NDST4: variants seen among roughly 807,000 people sequenced by gnomAD.
NDST4 encodes N-deacetylase and N-sulfotransferase 4.
Under a neutral mutation model 100.8 loss-of-function variants are expected in NDST4, and 63 were observed. That is an observed-to-expected ratio of 0.62 (90% CI 0.51 to 0.77). The LOEUF (loss-of-function observed/expected upper bound fraction) is 0.77, where lower values mean the gene tolerates loss of function less well. Ranked by LOEUF, NDST4 falls within the 30% of genes least tolerant of loss-of-function variation. The pLI is 0.00. For missense variants in NDST4, 943 were observed against 1,018.4 expected, an observed-to-expected ratio of 0.93 and a Z score of 1.01; for synonymous variants, 377 against 361.8, an observed-to-expected ratio of 1.04 and a Z score of -0.48.
intron 6 of NDST4, among the ~76,000 whole-genome samples, chr4:114,903,470 T>C (rs1288943591): frequency 2.6e-5 from 4 of 151,972 alleles, no homozygotes; most frequent in Admixed American, 6.6e-5. Flanking sequence ...CCTGTAGCAA[T>C]TTGTCAAGTA....
chr4:115,075,799 A>AAAAAAAC, intron 2 of NDST4, among the ~76,000 whole-genome samples: 2 of 151,402 alleles, frequency 1.3e-5, no homozygotes, highest in African/African-American at 4.8e-5. Context: ...AAAAAAAAAA[A>AAAAAAAC]AAAAGGCAAA....
intron 2 of NDST4, among the ~76,000 whole-genome samples, chr4:115,065,299 A>G (rs1030843872): frequency 6.6e-6 from 1 of 152,102 alleles, no homozygotes; most frequent in Non-Finnish European, 1.5e-5. Flanking sequence ...TTACAGATAT[A>G]TGGTATGAGG....
intron 2 of NDST4, among the ~76,000 whole-genome samples, chr4:115,054,014 G>T (rs1728641710): frequency 6.6e-6 from 1 of 152,012 alleles, no homozygotes. Flanking sequence ...TACTAAGCAT[G>T]TTACCCACTG....
intron 6 of NDST4, among the ~76,000 whole-genome samples, chr4:114,903,476 A>G (rs1724888503): frequency 1.3e-5 from 2 of 151,922 alleles, no homozygotes; most frequent in Non-Finnish European, 2.9e-5. Flanking sequence ...GCAATTTGTC[A>G]AGTACAGTTC....
Position 114,922,142 on chromosome 4 carries a change from T to G in NDST4, c.1536+13064A>C, listed in dbSNP as rs2389061. The stretch of plus-strand genomic sequence containing the variant: ...CTAAAATAATAATCGGTTGCAGCAG[T>G]GCCAGGGAAAGGCAGTCTCCTGACA... On this transcript the variant is annotated intron_variant, in intron 6 of 13. Coordinates refer to ENST00000264363, the MANE Select transcript of NDST4 (RefSeq NM_022569.3). 7.8e-3 allele frequency among the ~76,000 whole-genome samples: 1,185 copies of G among 152,278 alleles called. 18 individuals carry two copies. Among genetic ancestry groups the G allele is most frequent in the African/African-American group, 0.027 (1,122 of 41,554 alleles).
intron 6 of NDST4, among the ~76,000 whole-genome samples, chr4:114,916,751 T>C (rs1207041998): frequency 1.3e-5 from 2 of 151,906 alleles, no homozygotes; most frequent in Admixed American, 6.6e-5. Context: ...GGATTTGAAC[T>C]CTTGGGCTTA....
At chr4:114,932,555 T>C (rs1725537352) in intron 6 of NDST4, among the ~76,000 whole-genome samples, 1 of 151,980 alleles carries the variant, frequency 6.6e-6, no homozygotes, top group Non-Finnish European at 1.5e-5. Flanking sequence ...AAAAGTTAAA[T>C]TGTTTCTGTT....
chr4:115,099,639 G>C (rs1345273807), intron 1 of NDST4, among the ~76,000 whole-genome samples: 4 of 152,088 alleles, frequency 2.6e-5, no homozygotes, highest in African/African-American at 9.7e-5. Flanking sequence ...TTTAGAATGG[G>C]TAAAATCTAA....
At chr4:115,108,468 C>T (rs1327322404) in intron 1 of NDST4, among the ~76,000 whole-genome samples, 2 of 151,744 alleles carry the variant, frequency 1.3e-5, no homozygotes, top group Non-Finnish European at 2.9e-5. Flanking sequence ...TGGCAGTTGG[C>T]CTTTGGGTTG....
chr4:115,095,831 C>A (rs1729610429), intron 1 of NDST4, among the ~76,000 whole-genome samples: 1 of 152,024 alleles, frequency 6.6e-6, no homozygotes, highest in African/African-American at 2.4e-5. Flanking sequence ...TATGCTAGGT[C>A]TTTTCATTAT....
intron 4 of NDST4, among the ~76,000 whole-genome samples, chr4:114,949,060 TCA>T (rs1195393998): frequency 6.6e-6 from 1 of 151,992 alleles, no homozygotes; most frequent in African/African-American, 2.4e-5. Flanking sequence ...TTTAATTATT[TCA>T]CAGTCATTTA....
chr4:114,917,287 G>A (rs1043151025), intron 6 of NDST4, among the ~76,000 whole-genome samples: 12 of 152,140 alleles, frequency 7.9e-5, no homozygotes, highest in Non-Finnish European at 1.8e-4. Flanking sequence ...ATCTGAGATT[G>A]TTTGAATCTA....
At chr4:114,921,059 C>G (rs953177829) in intron 6 of NDST4, among the ~76,000 whole-genome samples, 1 of 152,090 alleles carries the variant, frequency 6.6e-6, no homozygotes, top group African/African-American at 2.4e-5. Flanking sequence ...CTGCCACAGT[C>G]AGTGTTGAAG....
intron 4 of NDST4, among the ~76,000 whole-genome samples, chr4:114,944,992 G>A (rs1359908952): frequency 9.9e-5 from 15 of 151,738 alleles, no homozygotes; most frequent in Admixed American, 9.2e-4. Flanking sequence ...GGCGGATCAT[G>A]TGAGGTCGGG....
At chr4:115,087,591 G>T (rs1023406927) in intron 1 of NDST4, among the ~76,000 whole-genome samples, 2 of 151,632 alleles carry the variant, frequency 1.3e-5, no homozygotes, top group South Asian at 4.2e-4. Flanking sequence ...AAAAGTGTTG[G>T]CATTAATCTG....
intron 4 of NDST4, among the ~76,000 whole-genome samples, chr4:114,953,099 GCTGCGTGGTGGTACAA>G (rs1190653989): frequency 1.4e-5 from 2 of 146,104 alleles, no homozygotes; most frequent in African/African-American, 5.1e-5. Flanking sequence ...ACTTTGCAGT[GCTGCGTGGTGGTACAA>G]CTGGAAACAC....
intron 4 of NDST4, among the ~76,000 whole-genome samples, chr4:114,945,208 CAAAAAAAAAAA>C (rs1173970826): frequency 3.9e-4 from 21 of 53,790 alleles, no homozygotes; most frequent in African/African-American, 1.1e-3. Flanking sequence ...AACTCCGTCT[CAAAAAAAAAAA>C]AAAAAAAAAA....
chr4:114,857,863 A>C (rs1723831128), intron 7 of NDST4, among the ~76,000 whole-genome samples: 1 of 152,072 alleles, frequency 6.6e-6, no homozygotes, highest in African/African-American at 2.4e-5. Flanking sequence ...AGAAAGAGGC[A>C]TGTGGATGGA....
At chr4:115,053,153 A>T (rs940185639) in intron 2 of NDST4, among the ~76,000 whole-genome samples, 1 of 152,132 alleles carries the variant, frequency 6.6e-6, no homozygotes, top group Non-Finnish European at 1.5e-5. Context: ...ACTGAATGAA[A>T]CATGTTTCTC....
Sources: gnomAD v4.1 joint callset for allele counts (sites outside exome capture counted in the v4.1 genomes callset) on GRCh38, gnomAD v4.1.1 for gene constraint, MANE v1.5 for transcripts, NCBI Gene and HGNC (gene_info 2026-07-23, HGNC 2026-07-21) for gene names.